TMC1: variants seen among roughly 807,000 people sequenced by gnomAD.
TMC1 encodes transmembrane channel like 1.
Under a neutral mutation model 105.8 loss-of-function variants are expected in TMC1, and 84 were observed. The ratio of observed to expected loss-of-function variants is 0.79; its 90% CI spans 0.67 to 0.95. TMC1 has a LOEUF of 0.95. Among genes scored for constraint, TMC1 ranks in the 40% least tolerant of loss-of-function variants. The pLI is 0.00. For synonymous variants in TMC1, 315 were observed against 311.5 expected, an observed-to-expected ratio of 1.01 and a Z score of -0.12; for missense variants, 817 against 914.1, an observed-to-expected ratio of 0.89 and a Z score of 1.37.
At chr9:72,703,308 G>A (rs1028706055) in intron 8 of TMC1, among the ~76,000 whole-genome samples, 1 of 151,898 alleles carries the variant, frequency 6.6e-6, no homozygotes, top group Non-Finnish European at 1.5e-5. Flanking sequence ...TTCTTTTTGT[G>A]TAGGGATGGG....
chr9:72,830,429 A>AT (rs770999773), intron 21 of TMC1, 22 bp from the exon 22 acceptor site: 43 of 1,557,554 alleles, frequency 2.8e-5, no homozygotes, highest in Admixed American at 1.8e-4. Context: ...CTTACACTGT[A>AT]TTTTTTTTCT....
intron 7 of TMC1, among the ~76,000 whole-genome samples, chr9:72,700,135 A>G (rs1007084721): frequency 6.6e-6 from 1 of 151,184 alleles, no homozygotes; most frequent in Non-Finnish European, 1.5e-5. Context: ...GGCGCCTGTA[A>G]TCCCAGCTAC....
intron 8 of TMC1, among the ~76,000 whole-genome samples, chr9:72,721,199 A>G (rs184971017): frequency 1.2e-3 from 187 of 152,312 alleles, no homozygotes; most frequent in Non-Finnish European, 1.5e-4. Context: ...AGCAGGACAG[A>G]GAATTACAAA....
chr9:72,669,210 G>A (rs1307662462), intron 5 of TMC1, among the ~76,000 whole-genome samples: 1 of 152,166 alleles, frequency 6.6e-6, no homozygotes, highest in Admixed American at 6.5e-5. Context: ...CCGGGAAGCT[G>A]AGGCAGGAGG....
intron 17 of TMC1, among the ~76,000 whole-genome samples, chr9:72,799,048 G>A (rs1828424216): frequency 6.6e-6 from 1 of 151,698 alleles, no homozygotes. Flanking sequence ...TATCCCTTAA[G>A]GGAAACCAAG....
intron 2 of TMC1, among the ~76,000 whole-genome samples, chr9:72,590,736 T>A (rs934014119): frequency 6.6e-6 from 1 of 151,508 alleles, no homozygotes; most frequent in African/African-American, 2.4e-5. Flanking sequence ...AAAGGGGAGG[T>A]ATATGAGAAA....
chr9:72,599,373 C>T (rs1458743682), intron 2 of TMC1, among the ~76,000 whole-genome samples: 1 of 152,154 alleles, frequency 6.6e-6, no homozygotes, highest in African/African-American at 2.4e-5. Context: ...GATTTCCCTG[C>T]ATTAGGCAGA....
At chr9:72,596,917 C>T (rs1392683438) in intron 2 of TMC1, among the ~76,000 whole-genome samples, 2 of 152,224 alleles carry the variant, frequency 1.3e-5, no homozygotes, top group East Asian at 3.8e-4. Flanking sequence ...TCTGCGCCTT[C>T]TAAGTATGTA....
chr9:72,618,396 T>C (rs1825177766), intron 3 of TMC1, among the ~76,000 whole-genome samples: 1 of 152,002 alleles, frequency 6.6e-6, no homozygotes, highest in Non-Finnish European at 1.5e-5. Context: ...AAAAATAGAA[T>C]AAAAAAGGAA....
chr9:72,740,116 C>G lies in TMC1; in HGVS notation c.363-3C>G. On this transcript the variant is annotated splice_polypyrimidine_tract_variant and splice_region_variant and intron_variant, in intron 8 of 23. Coordinates refer to ENST00000297784, the MANE Select transcript of TMC1 (RefSeq NM_138691.3). Reference sequence around the variant, plus strand: ...ATCCCTTATGTTATTTTTATTTTCTCAGGGAGGCAAAAAAATTTGTGAGTG... The same window carrying G: ...ATCCCTTATGTTATTTTTATTTTCTGAGGGAGGCAAAAAAATTTGTGAGTG... 1 of 1,612,606 alleles carries G rather than the reference C, an allele frequency of 6.2e-7. No homozygotes were observed. Among genetic ancestry groups the G allele is most frequent in the Non-Finnish European group, 8.5e-7 (1 of 1,178,940 alleles).
In TMC1 at chr9:72,662,263, C is replaced by T. The variant is rs1365367114; in HGVS notation, c.16+13599C>T. Among the ~76,000 whole-genome samples the T allele has an allele frequency of 4.0e-5, 6 of 151,400 alleles. No homozygotes were observed. The East Asian group carries it at 7.7e-4, about 19-fold the overall frequency. On this transcript the variant is annotated intron_variant, in intron 5 of 23. Coordinates refer to ENST00000297784, the MANE Select transcript of TMC1 (RefSeq NM_138691.3). ...GTACAGTGGTACGATCTTAGCTCAC[C>T]GCAACCTCCACCTCCCCGGTCCAAG...
intron 5 of TMC1, among the ~76,000 whole-genome samples, chr9:72,682,809 T>G (rs908472693): frequency 3.3e-5 from 5 of 152,192 alleles, no homozygotes; most frequent in Non-Finnish European, 7.4e-5. Flanking sequence ...ATAGGTTTAA[T>G]TGGCTCATGG....
intron 5 of TMC1, among the ~76,000 whole-genome samples, chr9:72,658,405 T>C (rs1825916664): frequency 1.3e-5 from 2 of 151,994 alleles, no homozygotes; most frequent in South Asian, 4.1e-4. Flanking sequence ...CTTACTCATC[T>C]ACAAAATGGA....
chr9:72,641,810 CT>C (rs896125209), intron 4 of TMC1, among the ~76,000 whole-genome samples: 4,324 of 86,968 alleles, frequency 0.05, 38 homozygotes, highest in African/African-American at 0.13. Context: ...AGTCCCAAAT[CT>C]TTTTTTTTTT....
At chr9:72,645,729 A>G (rs1390470683) in intron 4 of TMC1, among the ~76,000 whole-genome samples, 1 of 152,210 alleles carries the variant, frequency 6.6e-6, no homozygotes, top group South Asian at 2.1e-4. Context: ...AAGAATTTCA[A>G]TGGGAAATCA....
At chr9:72,774,199 T>C (rs1827973449) in intron 13 of TMC1, among the ~76,000 whole-genome samples, 1 of 152,188 alleles carries the variant, frequency 6.6e-6, no homozygotes, top group Non-Finnish European at 1.5e-5. Context: ...ATTTAATAAA[T>C]GATTTTCTGG....
intron 18 of TMC1, among the ~76,000 whole-genome samples, chr9:72,810,662 T>C (rs1828687688): frequency 6.6e-6 from 1 of 152,228 alleles, no homozygotes; most frequent in Non-Finnish European, 1.5e-5. Flanking sequence ...TTTATTTGTT[T>C]TACCTAACAC....
rs116273026 is a variant in TMC1 at position 72,545,185 on chromosome 9, T to G, written c.-428+23272T>G. Among the ~76,000 whole-genome samples the G allele has an allele frequency of 5.1e-3, 774 of 151,228 alleles. 4 individuals are homozygous for G. Among genetic ancestry groups the G allele is most frequent in the African/African-American group, 0.018 (731 of 40,870 alleles). The stretch of plus-strand genomic sequence containing the variant: ...ACATATATACACACACACATTTATA[T>G]GTGTATATATACACATATATATATA... On this transcript the variant is annotated intron_variant, in intron 1 of 23. Transcript: ENST00000297784.
At chr9:72,606,024 A>G (rs1479018646) in intron 2 of TMC1, among the ~76,000 whole-genome samples, 1 of 152,132 alleles carries the variant, frequency 6.6e-6, no homozygotes, top group Non-Finnish European at 1.5e-5. Context: ...AAATGCCTCC[A>G]CATTCTGAGG....
Sources: gnomAD v4.1 joint callset for allele counts (sites outside exome capture counted in the v4.1 genomes callset) on GRCh38, gnomAD v4.1.1 for gene constraint, MANE v1.5 for transcripts, NCBI Gene and HGNC (gene_info 2026-07-23, HGNC 2026-07-21) for gene names.